MEGF6: variants seen among roughly 807,000 people sequenced by gnomAD.
MEGF6 encodes multiple EGF like domains 6.
Under a neutral mutation model 207.1 loss-of-function variants are expected in MEGF6, and 184 were observed. The ratio of observed to expected loss-of-function variants is 0.89; its 90% CI spans 0.79 to 1.00. The LOEUF is 1.00. Ranked by LOEUF, MEGF6 falls within the 50% of genes least tolerant of loss-of-function variation. The probability of loss-of-function intolerance (pLI) is 0.00; values close to 1 mark genes in which losing one functional copy is unlikely to be tolerated. For missense variants in MEGF6, 2,282 were observed against 2,202.9 expected (o/e 1.04, Z -0.72); for synonymous variants, 1,038 against 910.0 (o/e 1.14, Z -2.53).
In MEGF6 at chr1:3,514,685, G is replaced by A. The variant is rs757132652; in HGVS notation, c.731-13C>T. Reference sequence around the variant, plus strand: ...CACGGGCTTCTACCTGCAGCCACGGGCCCGAGGAGGGGGTTGGGGAGAGGG... The same window carrying A: ...CACGGGCTTCTACCTGCAGCCACGGACCCGAGGAGGGGGTTGGGGAGAGGG... On this transcript the variant is annotated splice_polypyrimidine_tract_variant and intron_variant, in intron 6 of 36. Coordinates refer to ENST00000356575, the MANE Select transcript of MEGF6 (RefSeq NM_001409.4). 6.4e-7 allele frequency: 1 copy of A among 1,563,892 alleles called. No individual in the cohort carries two copies.
At chr1:3,526,552 C>T (rs867136413) in intron 4 of MEGF6, among the ~76,000 whole-genome samples, 1 of 152,168 alleles carries the variant, frequency 6.6e-6, no homozygotes, top group Non-Finnish European at 1.5e-5. Context: ...GCACCCGCCA[C>T]CACGCTCGGC....
intron 5 of MEGF6, among the ~76,000 whole-genome samples, chr1:3,516,132 C>T (rs575935592): frequency 1.3e-5 from 2 of 152,338 alleles, no homozygotes; most frequent in East Asian, 1.9e-4. Flanking sequence ...TTGCCCATGC[C>T]CCCATTCCTT....
chr1:3,538,476 C>A (rs1642400069), intron 4 of MEGF6, among the ~76,000 whole-genome samples: 1 of 152,222 alleles, frequency 6.6e-6, no homozygotes, highest in Non-Finnish European at 1.5e-5. Context: ...TTTCCGCGAG[C>A]CCAGCTGCCA....
At chr1:3,575,582 G>A (rs1453517079) in intron 4 of MEGF6, among the ~76,000 whole-genome samples, 12 of 152,106 alleles carry the variant, frequency 7.9e-5, no homozygotes, top group African/African-American at 2.9e-4. Context: ...AGTTCCACGT[G>A]GCTGGGGAGG....
At chr1:3,559,105 C>G (rs1643116565) in intron 4 of MEGF6, among the ~76,000 whole-genome samples, 1 of 152,222 alleles carries the variant, frequency 6.6e-6, no homozygotes, top group Admixed American at 6.5e-5. Flanking sequence ...CATCCCCTCC[C>G]TCTGCACTGG....
intron 16 of MEGF6, 39 bp from the exon 17 acceptor site, chr1:3,505,381 C>T (rs1004032123): frequency 6.2e-7 from 1 of 1,603,288 alleles, no homozygotes; most frequent in Non-Finnish European, 8.5e-7. Context: ...GGTTAACCGA[C>T]CCTGGCGCCC....
chr1:3,564,395 G>A (rs1270002605), intron 4 of MEGF6, among the ~76,000 whole-genome samples: 1 of 152,108 alleles, frequency 6.6e-6, no homozygotes, highest in Non-Finnish European at 1.5e-5. Context: ...CCCTGGGGGA[G>A]CTGTGCAGAG....
At chr1:3,500,051 C>T (rs1640790121) in intron 21 of MEGF6, 127 bp from the exon 22 acceptor site, 1 of 1,350,824 alleles carries the variant, frequency 7.4e-7, no homozygotes, top group Admixed American at 2.8e-5. Flanking sequence ...CCTTCCTGCC[C>T]AAGGGAGACT....
Position 3,493,819 on chromosome 1 carries a change from C to G in MEGF6, c.4339G>C (p.Gly1447Arg). The G allele has an allele frequency of 6.2e-7, 1 of 1,609,770 alleles. No homozygotes were observed. The highest frequency in any genetic ancestry group is 8.5e-7 in the Non-Finnish European group (1 of 1,178,634). The change falls in exon 34 of 37, where the codon GGT (glycine) becomes CGT (arginine). Residue 1447 changes from glycine to arginine, a missense_variant. Transcript: ENST00000356575. ...CGCCCTGGTGGGCAAAGGCAGAGACCGGTGACAGGGTCACAGGGTGCCCCC... is the reference window on the plus strand; with the variant it reads ...CGCCCTGGTGGGCAAAGGCAGAGACGGGTGACAGGGTCACAGGGTGCCCCC... ...DGGAPCDPVT[G>R]LCLCPPGRSG...
chr1:3,496,540 A>C, intron 29 of MEGF6, 115 bp downstream of exon 29: 3 of 1,454,534 alleles, frequency 2.1e-6, no homozygotes, highest in Non-Finnish European at 2.8e-6. Flanking sequence ...GCCCAGCCAG[A>C]GGGGGCTGAA....
At chr1:3,582,295 G>A (rs926489626) in intron 3 of MEGF6, among the ~76,000 whole-genome samples, 7 of 152,188 alleles carry the variant, frequency 4.6e-5, no homozygotes, top group Non-Finnish European at 1.0e-4. Flanking sequence ...ACTGGGATGC[G>A]CACACAGCGA....
intron 1 of MEGF6, among the ~76,000 whole-genome samples, chr1:3,605,583 C>T (rs1254692128): frequency 2.6e-5 from 4 of 151,844 alleles, no homozygotes; most frequent in Non-Finnish European, 4.4e-5. Flanking sequence ...CACACACATA[C>T]ACTCATACAA....
At chr1:3,563,604 T>C (rs966663776) in intron 4 of MEGF6, among the ~76,000 whole-genome samples, 1 of 152,224 alleles carries the variant, frequency 6.6e-6, no homozygotes, top group African/African-American at 2.4e-5. Context: ...CTGACGGACA[T>C]GGAGTGAGGA....
Position 3,500,957 on chromosome 1 carries a change from C to T in MEGF6, c.2575+9G>A, listed in dbSNP as rs753729083. 6 of 1,611,154 alleles carry T rather than the reference C, an allele frequency of 3.7e-6. No individual in the cohort carries two copies. The highest frequency in any genetic ancestry group is 4.2e-6 in the Non-Finnish European group (5 of 1,179,912). On this transcript the variant is annotated intron_variant, in intron 20 of 36. Transcript: ENST00000356575. ...GTCTGGACAAAGGGCAAGCCAAGGG[C>T]CCCCGTACCTCTCTGGCAGCTAAAG... is the stretch of plus-strand genomic sequence containing the variant.
chr1:3,511,256 C>T (rs1394988126), intron 9 of MEGF6, among the ~76,000 whole-genome samples: 1 of 152,210 alleles, frequency 6.6e-6, no homozygotes, highest in Non-Finnish European at 1.5e-5. Flanking sequence ...TTCCAGGACA[C>T]TGGGTCCTTC....
At position 3,594,595 on chromosome 1, in the gene MEGF6, C is replaced by G. The variant is rs879847225; in HGVS notation, c.376+743G>C. On this transcript the variant is annotated intron_variant, in intron 3 of 36. Coordinates refer to ENST00000356575, the MANE Select transcript of MEGF6 (RefSeq NM_001409.4). This position sits in a 1 kb window ranked among gnomAD's most constrained non-coding sequence, Gnocchi z 4.2. ...CCATGACCTCTGGACTGACCCCTCC[C>G]AGGGAGGGACACTGACCCCTTTGCC... 1.3e-5 allele frequency among the ~76,000 whole-genome samples: 2 copies of G among 152,222 alleles called. No individual in the cohort carries two copies. The highest frequency in any genetic ancestry group is 6.5e-5 in the Admixed American group (1 of 15,292).
intron 5 of MEGF6, among the ~76,000 whole-genome samples, chr1:3,518,483 C>A (rs746050956): frequency 1.3e-5 from 2 of 152,014 alleles, no homozygotes; most frequent in Non-Finnish European, 2.9e-5. Flanking sequence ...CTGCTCGAGG[C>A]GCAGCATCCT....
Position 3,500,682 on chromosome 1 carries a change from G to GC in MEGF6, c.2657dup (p.Ser886ArgfsTer7), listed in dbSNP as rs1640819620. 6.3e-7 allele frequency: 1 copy of GC among 1,576,646 alleles called. No individual in the cohort carries two copies. Among genetic ancestry groups the GC allele is most frequent in the Admixed American group, 1.8e-5 (1 of 54,854 alleles). The stretch of plus-strand genomic sequence containing the variant: ...AGCCAGCCTCACACAGACACAGGCC[G>GC]CTGATGGCATCACAGCTCCCGTGGC... On this transcript the variant is annotated frameshift_variant, in exon 21 of 37. Transcript: ENST00000356575. LOFTEE classifies it high-confidence loss of function.
At position 3,599,512 on chromosome 1, in the gene MEGF6, C is replaced by T. The variant is rs75828352; in HGVS notation, c.266+2954G>A. 4.0e-3 allele frequency among the ~76,000 whole-genome samples: 604 copies of T among 152,358 alleles called. 5 individuals carry two copies. Among genetic ancestry groups the T allele is most frequent in the African/African-American group, 0.013 (521 of 41,596 alleles). On this transcript the variant is annotated intron_variant, in intron 2 of 36. Coordinates refer to ENST00000356575, the MANE Select transcript of MEGF6 (RefSeq NM_001409.4). ...CGGGGACACTGTCCTGACAATGAGG[C>T]CCCAACAACCTGGCACAGGCACACT...
Sources: allele counts gnomAD v4.1 joint callset (sites outside exome capture counted in the v4.1 genomes callset), GRCh38; gene constraint gnomAD v4.1.1; non-coding constraint Gnocchi (gnomAD v3.1); transcripts MANE v1.5; gene names NCBI Gene and HGNC (gene_info 2026-07-23, HGNC 2026-07-21).